The following CNNM4 variants were observed in gnomAD, a reference collection of about 807,000 sequenced individuals.
CNNM4 encodes metal transporter CNNM4.
Under a neutral mutation model 53.7 loss-of-function variants are expected in CNNM4, and 32 were observed. The ratio of observed to expected loss-of-function variants is 0.60; its 90% CI spans 0.45 to 0.80. CNNM4 has a LOEUF of 0.80. CNNM4 is among the 30% of genes least tolerant of loss of function. CNNM4 has a pLI of 0.00. For missense variants in CNNM4, 784 were observed against 1,022.0 expected (o/e 0.77, Z 3.17); for synonymous variants, 410 against 440.0 (o/e 0.93, Z 0.85).
intron 1 of CNNM4, among the ~76,000 whole-genome samples, chr2:96,777,172 C>T (rs1286583152): frequency 6.6e-6 from 1 of 151,992 alleles, no homozygotes; most frequent in Non-Finnish European, 1.5e-5. Context: ...AGGAGCGCGC[C>T]ACCACACCCA....
At chr2:96,777,757 C>A (rs965536913) in intron 1 of CNNM4, among the ~76,000 whole-genome samples, 4 of 152,116 alleles carry the variant, frequency 2.6e-5, no homozygotes, top group Non-Finnish European at 4.4e-5. Context: ...CTGCCTTGGC[C>A]TCCCAAAGTG....
intron 1 of CNNM4, among the ~76,000 whole-genome samples, chr2:96,765,408 G>A (rs1180461575): frequency 9.9e-5 from 15 of 151,976 alleles, no homozygotes. Context: ...TTACCGGTGT[G>A]AGCCACCCTG....
intron 1 of CNNM4, among the ~76,000 whole-genome samples, chr2:96,777,163 G>C (rs1054633548): frequency 1.3e-5 from 2 of 151,764 alleles, no homozygotes; most frequent in Admixed American, 6.6e-5. Flanking sequence ...TGGGACTACA[G>C]GAGCGCGCCA....
chr2:96,797,713 C>G lies in CNNM4; in HGVS notation c.1681+66C>G, dbSNP rs533748053. The stretch of plus-strand genomic sequence containing the variant: ...TCACGGGGGAGAAGTCCTGGGTTTC[C>G]GGCTGCTTTCCCCCCATAGGACGAG... On this transcript the variant is annotated intron_variant, in intron 3 of 6. Coordinates refer to ENST00000377075, the MANE Select transcript of CNNM4 (RefSeq NM_020184.4). The surrounding 1 kb of genome is among the most constrained non-coding windows in gnomAD (Gnocchi z 6.0). The G allele has an allele frequency of 3.8e-6, 6 of 1,598,474 alleles. No individual in the cohort carries two copies. In the African/African-American group the frequency reaches 4.0e-5, roughly 11 times the overall value.
intron 1 of CNNM4, among the ~76,000 whole-genome samples, chr2:96,777,299 G>A (rs1469929573): frequency 7.2e-5 from 11 of 152,308 alleles, no homozygotes; most frequent in Admixed American, 4.6e-4. Context: ...GATTACAGGC[G>A]TGAGCCACTG....
At chr2:96,778,253 C>A (rs548672067) in intron 1 of CNNM4, among the ~76,000 whole-genome samples, 1 of 151,322 alleles carries the variant, frequency 6.6e-6, no homozygotes, top group East Asian at 1.9e-4. Flanking sequence ...TATATCTGGA[C>A]CCTTTAAAAA....
chr2:96,766,194 C>T (rs186086046), intron 1 of CNNM4, among the ~76,000 whole-genome samples: 9 of 151,552 alleles, frequency 5.9e-5, no homozygotes, highest in Non-Finnish European at 1.0e-4. Context: ...TGTGCCTCAG[C>T]CTCCCAAGTA....
At chr2:96,764,274 A>T (rs1203373424) in intron 1 of CNNM4, among the ~76,000 whole-genome samples, 1 of 152,078 alleles carries the variant, frequency 6.6e-6, no homozygotes, top group East Asian at 1.9e-4. Flanking sequence ...GTGCCCTTTC[A>T]TTAAGTTGGG....
chr2:96,770,636 G>A (rs1039952105), intron 1 of CNNM4, among the ~76,000 whole-genome samples: 4 of 152,130 alleles, frequency 2.6e-5, no homozygotes, highest in African/African-American at 4.8e-5. Context: ...TTGGCGGTGC[G>A]GATCCCTGGG....
At chr2:96,802,031 A>T (rs988266749) in intron 5 of CNNM4, among the ~76,000 whole-genome samples, 2 of 150,740 alleles carry the variant, frequency 1.3e-5, no homozygotes, top group Non-Finnish European at 3.0e-5. Flanking sequence ...GCACCCACCC[A>T]TAGGCACACA....
At chr2:96,798,977 G>T in intron 3 of CNNM4, 80 bp from the exon 4 acceptor site, 1 of 1,379,124 alleles carries the variant, frequency 7.3e-7, no homozygotes, top group Non-Finnish European at 1.0e-6. Flanking sequence ...TGCTGTGGTT[G>T]GGGTGGAGGC....
chr2:96,803,703 G>A (rs1206647591), intron 5 of CNNM4, among the ~76,000 whole-genome samples: 1 of 150,544 alleles, frequency 6.6e-6, no homozygotes, highest in Non-Finnish European at 1.5e-5. Context: ...TCTAGCCTGG[G>A]CAACAAGAGC....
intron 1 of CNNM4, among the ~76,000 whole-genome samples, chr2:96,793,568 G>A (rs1287185917): frequency 1.3e-5 from 2 of 152,214 alleles, no homozygotes; most frequent in African/African-American, 2.4e-5. Flanking sequence ...AGTGGATCCC[G>A]CCAAGGGGTC....
rs886056474 is a variant in CNNM4 at position 96,761,242 on chromosome 2, C to T, written c.243C>T (p.Tyr81=). 6.2e-7 allele frequency: 1 copy of T among 1,614,052 alleles called. No homozygotes were observed. Among genetic ancestry groups the T allele is most frequent in the Non-Finnish European group, 8.5e-7 (1 of 1,180,022 alleles). The change falls in exon 1 of 7, where the codon TAC becomes TAT. Residue 81 remains tyrosine (Y), a synonymous_variant. Transcript: ENST00000377075. The surrounding 1 kb of genome is among the most constrained non-coding windows in gnomAD (Gnocchi z 6.0). ...GSTVNLRLYG[Y]SLGNISSNLI... ...CCGTGAACCTGAGGCTGTACGGCTA[C>T]AGCCTGGGCAACATCTCCAGCAACC...
At chr2:96,791,487 G>A (rs551977512) in intron 1 of CNNM4, among the ~76,000 whole-genome samples, 230 of 151,964 alleles carry the variant, frequency 1.5e-3, no homozygotes, top group African/African-American at 5.4e-3. Flanking sequence ...CAAAAAATTA[G>A]CTGGGTGTGG....
At chr2:96,799,247 G>A in intron 4 of CNNM4, 21 bp downstream of exon 4, 1 of 1,613,968 alleles carries the variant, frequency 6.2e-7, no homozygotes. Context: ...TCAGCCCTGG[G>A]CCTGCCACCT....
chr2:96,776,112 T>A (rs1255121167), intron 1 of CNNM4, among the ~76,000 whole-genome samples: 4 of 117,998 alleles, frequency 3.4e-5, no homozygotes, highest in African/African-American at 1.3e-4. Context: ...CACCACAACC[T>A]CCACCTCCCG....
intron 1 of CNNM4, chr2:96,788,844 T>A (rs2153347643): frequency 6.6e-6 from 1 of 152,344 alleles, no homozygotes; most frequent in African/African-American, 2.4e-5. Flanking sequence ...GAGTCCCTGG[T>A]CTGCTCTGGG....
At position 96,797,120 on chromosome 2, in the gene CNNM4, T is replaced by G. The variant is rs1558993036; in HGVS notation, c.1511T>G (p.Ile504Ser). The G allele has an allele frequency of 6.2e-7, 1 of 1,614,150 alleles. No individual in the cohort carries two copies. The highest frequency in any genetic ancestry group is 2.2e-5 in the East Asian group (1 of 44,876). ...VTLEDVIEEI[I>S]KSEILDESDM... ...CTGGAGGACGTGATCGAGGAGATCA[T>G]CAAGTCGGAGATCCTGGACGAGTCC... The change falls in exon 2 of 7, where the codon ATC (isoleucine) becomes AGC (serine). Residue 504 changes from isoleucine to serine, a missense_variant. By Grantham distance (142) the Ile-to-Ser change is moderately radical (BLOSUM62 -2). This residue lies in a region of CNNM4 where 307 missense variants were observed against 376.3 expected (regional missense o/e 0.82). Transcript: ENST00000377075. This position sits in a 1 kb window ranked among gnomAD's most constrained non-coding sequence, Gnocchi z 6.0.
Sources: allele counts gnomAD v4.1 joint callset (sites outside exome capture counted in the v4.1 genomes callset), GRCh38; gene constraint gnomAD v4.1.1; regional missense constraint gnomAD v4.1.1; non-coding constraint Gnocchi (gnomAD v3.1); transcripts MANE v1.5; gene names NCBI Gene and HGNC (gene_info 2026-07-23, HGNC 2026-07-21).